LRRK1: variants seen among roughly 807,000 people sequenced by gnomAD.
The protein encoded by LRRK1 is leucine-rich repeat serine/threonine-protein kinase 1.
In LRRK1, 113 loss-of-function variants were observed where a neutral mutation model predicts 209.1. That is an observed-to-expected ratio of 0.54 (90% CI 0.46 to 0.63). LRRK1 has a LOEUF of 0.63. Ranked by LOEUF, LRRK1 falls within the 30% of genes least tolerant of loss-of-function variation. LRRK1 has a pLI of 0.00. For synonymous variants in LRRK1, 1,144 were observed against 1,099.7 expected (o/e 1.04, Z -0.80); for missense variants, 2,284 against 2,632.2 (o/e 0.87, Z 2.89).
intron 2 of LRRK1, among the ~76,000 whole-genome samples, chr15:100,956,455 C>CTTTTTTTTTTTTTTTCTT (rs2042763039): frequency 1.7e-5 from 1 of 60,530 alleles, no homozygotes; most frequent in African/African-American, 8.5e-5. Context: ...TTTTTTTTTT[C>CTTTTTTTTTTTTTTTCTT]TTTTTTTTTT....
intron 4 of LRRK1, among the ~76,000 whole-genome samples, chr15:100,984,130 T>C (rs911425999): frequency 6.6e-6 from 1 of 152,162 alleles, no homozygotes; most frequent in Admixed American, 6.5e-5. Flanking sequence ...GTAACTTCTA[T>C]TGAGATGGGG....
At chr15:100,984,179 C>T (rs1403372662) in intron 4 of LRRK1, among the ~76,000 whole-genome samples, 1 of 151,972 alleles carries the variant, frequency 6.6e-6, no homozygotes, top group Non-Finnish European at 1.5e-5. Flanking sequence ...TATTTCAGAA[C>T]CATGGTTTTA....
At chr15:100,933,005 G>T (rs1468643127) in intron 2 of LRRK1, among the ~76,000 whole-genome samples, 1 of 152,106 alleles carries the variant, frequency 6.6e-6, no homozygotes, top group Non-Finnish European at 1.5e-5. Flanking sequence ...ACCTCCATCG[G>T]CCTCCCGCCT....
Position 101,065,880 on chromosome 15 carries a change from G to A in LRRK1, c.5443G>A (p.Asp1815Asn). 1 of 1,614,168 alleles carries A rather than the reference G, an allele frequency of 6.2e-7. No individual in the cohort carries two copies. Among genetic ancestry groups the A allele is most frequent in the South Asian group, 1.1e-5 (1 of 91,084 alleles). ...PKVPEGDSIA[D>N]VSIMYSEELG... ...GGTGCCTGAGGGGGACTCCATCGCGGACGTGAGCATCATGTACAGTGAGGA... is the reference window on the plus strand; with the variant it reads ...GGTGCCTGAGGGGGACTCCATCGCGAACGTGAGCATCATGTACAGTGAGGA... The change falls in exon 32 of 34, where the codon GAC becomes AAC. Residue 1815 changes from aspartate to asparagine, a missense_variant. By Grantham distance (23) the Asp-to-Asn change is conservative (BLOSUM62 1). Coordinates refer to ENST00000388948, the MANE Select transcript of LRRK1 (RefSeq NM_024652.6).
chr15:101,067,373 A>G (rs2036590621), intron 33 of LRRK1: 3 of 447,446 alleles, frequency 6.7e-6, no homozygotes, highest in African/African-American at 2.0e-5. Flanking sequence ...CACTTTGACT[A>G]CCGAGCCCCA....
rs1466480542 is a variant in LRRK1 at position 101,053,082 on chromosome 15, C to G, written c.3850C>G (p.Pro1284Ala). ...AAAATTCAAGAACTTTGCTAACGTA[C>G]CGGCAGGTAAGCGGGTCCCAGGTTG... ...IKKFKNFANV[P>A]ADTMLRHLRA... Residue 1284 changes from proline (P) to alanine (A), a missense_variant, in exon 25 of 34, where the codon CCG becomes GCG. Transcript: ENST00000388948. 6.2e-7 allele frequency: 1 copy of G among 1,606,626 alleles called. No individual in the cohort carries two copies. Among genetic ancestry groups the G allele is most frequent in the Middle Eastern group, 1.7e-4 (1 of 6,046 alleles).
At chr15:100,955,474 T>C (rs1448837789) in intron 2 of LRRK1, among the ~76,000 whole-genome samples, 1 of 152,172 alleles carries the variant, frequency 6.6e-6, no homozygotes, top group African/African-American at 2.4e-5. Context: ...TCTTTTCTTA[T>C]TTGGATGTCT....
intron 3 of LRRK1, chr15:100,974,174 C>T (rs1479897608): frequency 7.3e-6 from 3 of 413,638 alleles, no homozygotes; most frequent in African/African-American, 4.1e-5. Flanking sequence ...GCCCCTGCCA[C>T]CTTTTCATGG....
intron 29 of LRRK1, among the ~76,000 whole-genome samples, chr15:101,058,890 A>C (rs1361501614): frequency 6.6e-6 from 1 of 152,126 alleles, no homozygotes; most frequent in Non-Finnish European, 1.5e-5. Flanking sequence ...TGGGAGGCGC[A>C]CAGTCGGTAG....
At chr15:100,992,971 T>G (rs1168210673) in intron 6 of LRRK1, among the ~76,000 whole-genome samples, 1 of 152,140 alleles carries the variant, frequency 6.6e-6, no homozygotes, top group Non-Finnish European at 1.5e-5. Flanking sequence ...CATATGTTCT[T>G]TTTTGAGAGT....
chr15:101,068,393 C>T (rs2036652010), intron 33 of LRRK1, among the ~76,000 whole-genome samples: 2 of 152,134 alleles, frequency 1.3e-5, no homozygotes, highest in African/African-American at 4.8e-5. Context: ...GATCTGATTG[C>T]CTCTGTGGCC....
At chr15:101,057,531 G>GTAAACAGGGTATTC (rs1220778722) in intron 28 of LRRK1, among the ~76,000 whole-genome samples, 2 of 152,234 alleles carry the variant, frequency 1.3e-5, no homozygotes, top group African/African-American at 4.8e-5. Flanking sequence ...TGTATGGGGA[G>GTAAACAGGGTATTC]TAAACAGGGT....
chr15:100,980,570 T>C (rs1316417691), intron 3 of LRRK1, among the ~76,000 whole-genome samples: 4 of 152,220 alleles, frequency 2.6e-5, no homozygotes, highest in African/African-American at 4.8e-5. Context: ...TACATTGTAC[T>C]AACGTCAAGT....
At chr15:101,003,896 G>T (rs2032819712) in intron 6 of LRRK1, among the ~76,000 whole-genome samples, 1 of 152,124 alleles carries the variant, frequency 6.6e-6, no homozygotes, top group Admixed American at 6.5e-5. Context: ...CAGTAGGGAG[G>T]CGGGGGAGGT....
At chr15:101,057,556 C>T (rs1304154965) in intron 28 of LRRK1, among the ~76,000 whole-genome samples, 2 of 152,160 alleles carry the variant, frequency 1.3e-5, no homozygotes, top group African/African-American at 4.8e-5. Context: ...TTTAGAAGAA[C>T]GCATGTCCTT....
At chr15:100,922,011 C>T (rs1489502257) in intron 1 of LRRK1, among the ~76,000 whole-genome samples, 1 of 152,190 alleles carries the variant, frequency 6.6e-6, no homozygotes, top group Admixed American at 6.5e-5. Context: ...AACCACCGCA[C>T]CCATCTATTT....
intron 2 of LRRK1, among the ~76,000 whole-genome samples, chr15:100,964,164 C>A (rs556636048): frequency 6.6e-6 from 1 of 152,246 alleles, no homozygotes; most frequent in South Asian, 2.1e-4. Flanking sequence ...GGGTGGAGGG[C>A]CTGGGTGATG....
intron 20 of LRRK1, among the ~76,000 whole-genome samples, chr15:101,043,222 A>T (rs552626588): frequency 1.3e-5 from 2 of 152,060 alleles, no homozygotes; most frequent in Non-Finnish European, 1.5e-5. Context: ...TGGATCCTGC[A>T]CAGTGAGGCC....
At chr15:101,035,379 T>A (rs1159764332) in intron 20 of LRRK1, among the ~76,000 whole-genome samples, 1 of 152,136 alleles carries the variant, frequency 6.6e-6, no homozygotes. Flanking sequence ...TTATATTCTC[T>A]TGTTGGATTG....
Sources: gnomAD v4.1 joint callset for allele counts (sites outside exome capture counted in the v4.1 genomes callset) on GRCh38, gnomAD v4.1.1 for gene constraint, MANE v1.5 for transcripts, NCBI Gene and HGNC (gene_info 2026-07-23, HGNC 2026-07-21) for gene names.